The following CACNA2D1 variants were observed in gnomAD, a reference collection of about 807,000 sequenced individuals.
The protein encoded by CACNA2D1 is calcium voltage-gated channel auxiliary subunit alpha2delta 1, also known as voltage-dependent calcium channel subunit alpha-2/delta-1.
A neutral mutation model predicts 171.5 loss-of-function variants in CACNA2D1; 53 were observed. That is an observed-to-expected ratio of 0.31 (90% CI 0.25 to 0.39). The LOEUF (loss-of-function observed/expected upper bound fraction) is 0.39, where lower values mean the gene tolerates loss of function less well. CACNA2D1 is among the 10% of genes least tolerant of loss of function. The probability of loss-of-function intolerance (pLI) is 1.00; values close to 1 mark genes in which losing one functional copy is unlikely to be tolerated. For synonymous variants in CACNA2D1, 442 were observed against 443.1 expected (o/e 1.00, Z 0.03); for missense variants, 903 against 1,299.8 (o/e 0.69, Z 4.69).
chr7:82,282,573 T>C (rs1810251281), intron 3 of CACNA2D1, among the ~76,000 whole-genome samples: 1 of 152,176 alleles, frequency 6.6e-6, no homozygotes, highest in Non-Finnish European at 1.5e-5. Flanking sequence ...GATTTCCCAG[T>C]ATACTTAACC....
At chr7:82,213,012 T>G (rs958026578) in intron 3 of CACNA2D1, among the ~76,000 whole-genome samples, 1 of 151,966 alleles carries the variant, frequency 6.6e-6, no homozygotes, top group Non-Finnish European at 1.5e-5. Context: ...ACAATTCTCC[T>G]GTGTCAGCCT....
chr7:82,119,477 G>A (rs560718796), intron 5 of CACNA2D1, among the ~76,000 whole-genome samples: 1 of 152,286 alleles, frequency 6.6e-6, no homozygotes, highest in South Asian at 2.1e-4. Context: ...AATTTGGAAA[G>A]TCATAATGAT....
intron 21 of CACNA2D1, among the ~76,000 whole-genome samples, chr7:81,986,619 G>C (rs1797003640): frequency 6.6e-6 from 1 of 151,954 alleles, no homozygotes; most frequent in Non-Finnish European, 1.5e-5. Context: ...AATAAAGATA[G>C]CAAAATGAAT....
intron 1 of CACNA2D1, among the ~76,000 whole-genome samples, chr7:82,393,775 A>T (rs1825464455): frequency 6.6e-6 from 1 of 152,244 alleles, no homozygotes; most frequent in Non-Finnish European, 1.5e-5. Context: ...AATTATTCCT[A>T]ATATTCGAAA....
intron 1 of CACNA2D1, among the ~76,000 whole-genome samples, chr7:82,418,923 G>A (rs994865719): frequency 1.3e-5 from 2 of 151,958 alleles, no homozygotes; most frequent in African/African-American, 2.4e-5. Flanking sequence ...TCGAGATCAC[G>A]GTGAAACCCC....
Position 82,032,917 on chromosome 7 carries a change from C to A in CACNA2D1, c.1039-16G>T, listed in dbSNP as rs757000271. On this transcript the variant is annotated splice_polypyrimidine_tract_variant and intron_variant, in intron 11 of 38. Transcript: ENST00000356860. ...AAACATTATACTGTTAAAAACAAAA[C>A]CAAACAAAACAATATGCGTATTATT... 1 of 1,321,866 alleles carries A rather than the reference C, an allele frequency of 7.6e-7. No individual in the cohort carries two copies. The allele number at this position is 1,321,866 out of a possible 1,614,324, so 81.9% of individuals were successfully genotyped here.
intron 6 of CACNA2D1, among the ~76,000 whole-genome samples, chr7:82,085,832 G>C (rs1810410502): frequency 6.6e-6 from 1 of 152,050 alleles, no homozygotes; most frequent in Non-Finnish European, 1.5e-5. Context: ...CAATGAAAGA[G>C]AAGCAATTAT....
chr7:81,969,838 A>G (rs781285516), intron 28 of CACNA2D1, 43 bp downstream of exon 28: 2 of 1,090,214 alleles, frequency 1.8e-6, no homozygotes, highest in East Asian at 2.4e-5. Flanking sequence ...GTAATTTATT[A>G]TTTAAAAAAT....
At chr7:82,308,038 C>T (rs1398499171) in intron 3 of CACNA2D1, among the ~76,000 whole-genome samples, 1 of 152,154 alleles carries the variant, frequency 6.6e-6, no homozygotes, top group African/African-American at 2.4e-5. Context: ...AAAACGCCAT[C>T]CTAATTGTAT....
chr7:82,282,277 G>C (rs995069408), intron 3 of CACNA2D1, among the ~76,000 whole-genome samples: 2 of 152,164 alleles, frequency 1.3e-5, no homozygotes, highest in Non-Finnish European at 2.9e-5. Flanking sequence ...CAGCCTGGGG[G>C]ACAGAACCAG....
chr7:82,005,794 C>T lies in CACNA2D1; in HGVS notation c.1486G>A (p.Asp496Asn). The stretch of plus-strand genomic sequence containing the variant: ...AAACGTGGTGTCAGTCTTTTAATAT[C>T]TTCCAAAGACACATCTACTCCCATC... ...GVMGVDVSLE[D>N]IKRLTPRFTL... The change falls in exon 17 of 39, where the codon GAT (aspartate) becomes AAT (asparagine). Residue 496 changes from aspartate to asparagine, a missense_variant. Asp to Asn is a conservative substitution (Grantham distance 23, BLOSUM62 1). Around this residue, in one of 5 missense-constraint regions of CACNA2D1, gnomAD observed 623 missense variants for 925.5 expected, o/e 0.67. Coordinates refer to ENST00000356860, the MANE Select transcript of CACNA2D1 (RefSeq NM_000722.4). 1 of 1,607,886 alleles carries T rather than the reference C, an allele frequency of 6.2e-7. No homozygotes were observed. The highest frequency in any genetic ancestry group is 8.5e-7 in the Non-Finnish European group (1 of 1,174,550).
chr7:81,964,026 A>T (rs1794443163), intron 34 of CACNA2D1, 30 bp downstream of exon 34: 1 of 1,588,232 alleles, frequency 6.3e-7, no homozygotes, highest in East Asian at 2.2e-5. Context: ...TCTTTCTTTC[A>T]TTACCAATAA....
intron 3 of CACNA2D1, among the ~76,000 whole-genome samples, chr7:82,205,636 T>C (rs1799937929): frequency 6.6e-6 from 1 of 152,318 alleles, no homozygotes; most frequent in Non-Finnish European, 1.5e-5. Flanking sequence ...TCTAAGTTAT[T>C]AGAATATCCT....
intron 1 of CACNA2D1, among the ~76,000 whole-genome samples, chr7:82,356,869 G>A (rs1820485295): frequency 6.6e-6 from 1 of 151,998 alleles, no homozygotes; most frequent in Admixed American, 6.6e-5. Context: ...AATATTTTGT[G>A]TGTATTAATT....
At chr7:82,129,512 C>G (rs780879814) in intron 5 of CACNA2D1, among the ~76,000 whole-genome samples, 3 of 152,122 alleles carry the variant, frequency 2.0e-5, no homozygotes, top group Non-Finnish European at 4.4e-5. Flanking sequence ...ATAAACAATT[C>G]ACATTGTCAA....
intron 3 of CACNA2D1, among the ~76,000 whole-genome samples, chr7:82,173,160 T>G (rs1796224527): frequency 6.6e-6 from 1 of 152,040 alleles, no homozygotes; most frequent in Non-Finnish European, 1.5e-5. Flanking sequence ...GTTTAGTAAG[T>G]TATAGTGACA....
At chr7:82,405,185 G>A (rs1383957475) in intron 1 of CACNA2D1, among the ~76,000 whole-genome samples, 1 of 152,050 alleles carries the variant, frequency 6.6e-6, no homozygotes, top group East Asian at 1.9e-4. Flanking sequence ...AGTAATGGAG[G>A]ACAATAAATG....
chr7:82,388,393 C>T (rs1824672705), intron 1 of CACNA2D1, among the ~76,000 whole-genome samples: 1 of 152,198 alleles, frequency 6.6e-6, no homozygotes, highest in African/African-American at 2.4e-5. Context: ...CACGAATGCT[C>T]TTTTCTGAGA....
chr7:82,257,420 G>A (rs1050022739), intron 3 of CACNA2D1, among the ~76,000 whole-genome samples: 2 of 152,136 alleles, frequency 1.3e-5, no homozygotes, highest in African/African-American at 4.8e-5. Flanking sequence ...AAATGCATAC[G>A]CATCTTGGGA....
Sources: allele counts gnomAD v4.1 joint callset (sites outside exome capture counted in the v4.1 genomes callset), GRCh38; gene constraint gnomAD v4.1.1; regional missense constraint gnomAD v4.1.1; transcripts MANE v1.5; gene names NCBI Gene and HGNC (gene_info 2026-07-23, HGNC 2026-07-21).